N4BP2L2: variants seen among roughly 807,000 people sequenced by gnomAD.
N4BP2L2 encodes the protein NEDD4 binding protein 2 like 2, also known as NEDD4-binding protein 2-like 2.
In N4BP2L2, 50 loss-of-function variants were observed where a neutral mutation model predicts 56.2. That is an observed-to-expected ratio of 0.89 (90% CI 0.71 to 1.13). The LOEUF is 1.13. Ranked by LOEUF, N4BP2L2 falls within the 50% of genes most tolerant of loss-of-function variation. N4BP2L2 has a pLI of 0.00. For synonymous variants in N4BP2L2, 203 were observed against 223.6 expected (o/e 0.91, Z 0.82); for missense variants, 689 against 693.8 (o/e 0.99, Z 0.08).
chr13:32,528,386 T>A (rs567413094), intron 2 of N4BP2L2, among the ~76,000 whole-genome samples: 18 of 152,298 alleles, frequency 1.2e-4, no homozygotes, highest in African/African-American at 4.3e-4. Flanking sequence ...TAATCAAACT[T>A]TAAATTTTTA....
intron 6 of N4BP2L2, among the ~76,000 whole-genome samples, chr13:32,463,877 G>T (rs1382367027): frequency 8.5e-6 from 1 of 117,884 alleles, no homozygotes; most frequent in Non-Finnish European, 1.6e-5. Flanking sequence ...CAAAAACCAA[G>T]AGAGTTCACT....
Position 32,502,485 on chromosome 13 carries a change from G to A in N4BP2L2, c.365+15372C>T, listed in dbSNP as rs140663973. The stretch of plus-strand genomic sequence containing the variant: ...GCAAACAAAAATCACAGAATTCCAC[G>A]GCTTTATAAAATAAGACTAAAATAA... On this transcript the variant is annotated intron_variant, in intron 6 of 9. Coordinates refer to the N4BP2L2 transcript ENST00000357505. Among the ~76,000 whole-genome samples, 34 of 152,108 alleles carry A rather than the reference G, an allele frequency of 2.2e-4. 1 individual carries two copies. Among genetic ancestry groups the A allele is most frequent in the African/African-American group, 8.0e-4 (33 of 41,496 alleles).
chr13:32,451,920 C>G (rs772751557), intron 6 of N4BP2L2, among the ~76,000 whole-genome samples: 2 of 152,068 alleles, frequency 1.3e-5, no homozygotes, highest in African/African-American at 4.8e-5. Flanking sequence ...TTTTCTCCCC[C>G]CAGCAAGGGA....
intron 6 of N4BP2L2, among the ~76,000 whole-genome samples, chr13:32,471,327 G>T (rs1302084933): frequency 6.6e-6 from 1 of 152,218 alleles, no homozygotes; most frequent in East Asian, 1.9e-4. Context: ...ATGTGCTCTG[G>T]TCAAGGAATA....
chr13:32,451,484 T>G (rs897929346), intron 6 of N4BP2L2, among the ~76,000 whole-genome samples: 3 of 152,038 alleles, frequency 2.0e-5, no homozygotes, highest in African/African-American at 7.2e-5. Context: ...ATTTGAAAAT[T>G]TAAATGAAAT....
At chr13:32,437,140 C>A (rs972112455) in intron 8 of N4BP2L2, among the ~76,000 whole-genome samples, 3 of 152,100 alleles carry the variant, frequency 2.0e-5, no homozygotes, top group Non-Finnish European at 2.9e-5. Context: ...AACTTGGCCT[C>A]CCAAAATGCT....
At chr13:32,531,310 T>A (rs149739827) in intron 2 of N4BP2L2, among the ~76,000 whole-genome samples, 9 of 152,346 alleles carry the variant, frequency 5.9e-5, no homozygotes, top group Middle Eastern at 6.8e-3. Flanking sequence ...CCTTGAGTAA[T>A]CAATGTACTC....
intron 5 of N4BP2L2, among the ~76,000 whole-genome samples, chr13:32,520,079 A>C (rs961343785): frequency 6.6e-6 from 1 of 152,170 alleles, no homozygotes; most frequent in Non-Finnish European, 1.5e-5. Flanking sequence ...CAGCATACAA[A>C]TCAGAAAAAG....
exon 6 of N4BP2L2, chr13:32,516,868 G>A: frequency 1.0e-6 from 1 of 983,426 alleles, no homozygotes; most frequent in Non-Finnish European, 1.2e-6. Flanking sequence ...TTGAAGGCAG[G>A]GGATGAATGA....
rs1019481355 is a variant in N4BP2L2, at chr13:32,445,485, T to A, written c.366-1359A>T. ...GTGGCTGTTTCAGAATGGGACAAAT[T>A]TAGTGACTTTAATAGCTAGATTTCC... On this transcript the variant is annotated intron_variant, in intron 6 of 9. Transcript: ENST00000357505. Among the ~76,000 whole-genome samples the A allele has an allele frequency of 5.3e-5, 8 of 152,244 alleles. No individual in the cohort carries two copies. In the East Asian group the frequency reaches 1.5e-3, roughly 29 times the overall value.
At chr13:32,532,608 TA>T (rs2055198753) in intron 2 of N4BP2L2, among the ~76,000 whole-genome samples, 3 of 147,264 alleles carry the variant, frequency 2.0e-5, no homozygotes, top group African/African-American at 7.8e-5. Context: ...TTTTTTTTTT[TA>T]AGACAGAGTC....
chr13:32,482,828 G>C (rs183727065), intron 6 of N4BP2L2, among the ~76,000 whole-genome samples: 33 of 152,136 alleles, frequency 2.2e-4, no homozygotes, highest in African/African-American at 7.7e-4. Context: ...GAATGTTTAG[G>C]TGTTTTGTTT....
chr13:32,538,075 G>T lies in N4BP2L2; in HGVS notation c.-1+543C>A, dbSNP rs866657498. ...GACAGAGGGAGACCCCGTCTTGGGG[G>T]GGGGGGGCGGTTACTTCCCCTGAAA... On this transcript the variant is annotated intron_variant, in intron 1 of 5. Transcript: ENST00000267068. Among the ~76,000 whole-genome samples, 1,379 of 139,088 alleles carry T rather than the reference G, an allele frequency of 9.9e-3. 38 individuals carry two copies. Among genetic ancestry groups the T allele is most frequent in the African/African-American group, 0.032 (1,252 of 38,602 alleles). 91.2% of individuals were successfully genotyped at this position (139,088 alleles called of 152,430 possible).
intron 2 of N4BP2L2, among the ~76,000 whole-genome samples, chr13:32,533,842 C>T (rs898974950): frequency 2.0e-5 from 3 of 152,112 alleles, no homozygotes; most frequent in African/African-American, 7.2e-5. Flanking sequence ...TATATGAAGC[C>T]ATTCCTCACC....
At chr13:32,523,588 G>A (rs989158947) in intron 3 of N4BP2L2, 2 of 150,674 alleles carry the variant, frequency 1.3e-5, no homozygotes, top group Admixed American at 6.6e-5. Context: ...GGGAGGCTGA[G>A]CAAGAGAACT....
chr13:32,444,115 A>G, exon 7 of N4BP2L2: 1 of 1,515,918 alleles, frequency 6.6e-7, no homozygotes, highest in South Asian at 1.3e-5. Flanking sequence ...AGTTTTCTTC[A>G]AAACTCTTTC....
At chr13:32,522,748 A>G (rs2051337774) in intron 3 of N4BP2L2, 1 of 152,264 alleles carries the variant, frequency 6.6e-6, no homozygotes, top group African/African-American at 2.4e-5. Context: ...ACTTATGGAG[A>G]TATTAAAATT....
At chr13:32,469,994 G>T (rs576218061) in intron 6 of N4BP2L2, among the ~76,000 whole-genome samples, 21 of 152,336 alleles carry the variant, frequency 1.4e-4, no homozygotes, top group African/African-American at 5.1e-4. Context: ...CCCTGAACAC[G>T]TATAAGTTTC....
intron 3 of N4BP2L2, 198 bp from the exon 4 acceptor site, chr13:32,522,468 A>C (rs1418320710): frequency 8.0e-6 from 3 of 374,196 alleles, no homozygotes; most frequent in Non-Finnish European, 9.3e-6. Context: ...TGCCAGGTGC[A>C]TTCTCCAGAC....
Sources: allele counts gnomAD v4.1 joint callset (sites outside exome capture counted in the v4.1 genomes callset), GRCh38; gene constraint gnomAD v4.1.1; transcripts MANE v1.5; gene names NCBI Gene and HGNC (gene_info 2026-07-23, HGNC 2026-07-21).